MAN2B2: variants seen among roughly 807,000 people sequenced by gnomAD.
MAN2B2 encodes the protein mannosidase alpha class 2B member 2, also known as epididymis-specific alpha-mannosidase.
Under a neutral mutation model 117.1 loss-of-function variants are expected in MAN2B2, and 106 were observed. The ratio of observed to expected loss-of-function variants is 0.90; its 90% CI spans 0.77 to 1.06. The LOEUF is 1.06. MAN2B2 is among the 50% of genes least tolerant of loss of function. The probability of loss-of-function intolerance (pLI) is 0.00; values close to 1 mark genes in which losing one functional copy is unlikely to be tolerated. For missense variants in MAN2B2, 1,326 were observed against 1,381.4 expected, an observed-to-expected ratio of 0.96 and a Z score of 0.64; for synonymous variants, 544 against 595.1, an observed-to-expected ratio of 0.91 and a Z score of 1.25.
In MAN2B2 at chr4:6,611,385, G is replaced by A. The variant is rs1711544606; in HGVS notation, c.2563+107G>A. 5.8e-6 allele frequency: 7 copies of A among 1,199,998 alleles called. No homozygotes were observed. In the South Asian group the frequency reaches 1.1e-4, roughly 19 times the overall value. The allele number at this position is 1,199,998 out of a possible 1,614,324, so 74.3% of individuals were successfully genotyped here. On this transcript the variant is annotated intron_variant, in intron 15 of 18. Coordinates refer to ENST00000285599, the MANE Select transcript of MAN2B2 (RefSeq NM_015274.3). ...CCCTCATGACTCTGGGCAGCTTTTG[G>A]GCAGGAAGCGACCTCAGGGACCTCT...
At chr4:6,599,062 ACC>A in intron 9 of MAN2B2, among the ~76,000 whole-genome samples, 1 of 152,176 alleles carries the variant, frequency 6.6e-6, no homozygotes, top group Non-Finnish European at 1.5e-5. Flanking sequence ...GCCAGGTCCC[ACC>A]CACAGCCTGC....
chr4:6,604,561 G>A (rs1727460866), intron 10 of MAN2B2, among the ~76,000 whole-genome samples: 1 of 152,040 alleles, frequency 6.6e-6, no homozygotes, highest in African/African-American at 2.4e-5. Flanking sequence ...GGAGCAGAAG[G>A]TGCAGGGTAG....
intron 13 of MAN2B2, among the ~76,000 whole-genome samples, 179 bp from the exon 14 acceptor site, chr4:6,610,701 T>C (rs187106734): frequency 1.3e-5 from 2 of 152,336 alleles, no homozygotes; most frequent in African/African-American, 4.8e-5. Context: ...CTGAGCTGTA[T>C]GCTAGGAAGC....
At chr4:6,581,483 A>C (rs1726424736) in intron 3 of MAN2B2, among the ~76,000 whole-genome samples, 1 of 152,082 alleles carries the variant, frequency 6.6e-6, no homozygotes, top group Admixed American at 6.5e-5. Flanking sequence ...GGGCGGGGGC[A>C]GAGTGTGTGT....
intron 7 of MAN2B2, among the ~76,000 whole-genome samples, chr4:6,595,878 G>T (rs946817292): frequency 3.9e-5 from 6 of 152,250 alleles, no homozygotes; most frequent in Admixed American, 6.5e-5. Flanking sequence ...TCTGCATGGT[G>T]ACCAGTGGGG....
At chr4:6,578,823 G>T (rs1029605546) in intron 3 of MAN2B2, among the ~76,000 whole-genome samples, 1 of 151,952 alleles carries the variant, frequency 6.6e-6, no homozygotes, top group Admixed American at 6.6e-5. Flanking sequence ...TACCTCAAAG[G>T]GTTGTTGTGA....
At chr4:6,579,150 C>A (rs1166956412) in intron 3 of MAN2B2, among the ~76,000 whole-genome samples, 1 of 83,798 alleles carries the variant, frequency 1.2e-5, no homozygotes. Flanking sequence ...ATCACCACCA[C>A]CATCACCATC....
chr4:6,605,571 G>C (rs1727511892), intron 11 of MAN2B2, among the ~76,000 whole-genome samples: 1 of 151,964 alleles, frequency 6.6e-6, no homozygotes, highest in African/African-American at 2.4e-5. Flanking sequence ...AGCACTGAGG[G>C]ACTCACTCTG....
At chr4:6,615,526 G>A (rs898296822) in intron 16 of MAN2B2, among the ~76,000 whole-genome samples, 5 of 152,086 alleles carry the variant, frequency 3.3e-5, no homozygotes, top group Admixed American at 6.5e-5. Flanking sequence ...GCCAGGCAAG[G>A]TGGCTCACAT....
chr4:6,579,463 C>A (rs1284805858), intron 3 of MAN2B2, among the ~76,000 whole-genome samples: 1 of 147,330 alleles, frequency 6.8e-6, no homozygotes, highest in Non-Finnish European at 1.5e-5. Context: ...CCACCCTTCA[C>A]CACCACAATG....
rs746821464 is a variant in MAN2B2 at position 6,598,256 on chromosome 4, C to T, written c.1307C>T (p.Ala436Val). The T allele has an allele frequency of 1.2e-6, 2 of 1,613,634 alleles. No homozygotes were observed. The highest frequency in any genetic ancestry group is 1.7e-6 in the Non-Finnish European group (2 of 1,180,024). ...TCCCCCAAGGTGAGAGACATGTACGCAACGCACCTGGCCTCGGGGATGCTG... is the reference window on the plus strand; with the variant it reads ...TCCCCCAAGGTGAGAGACATGTACGTAACGCACCTGGCCTCGGGGATGCTG... ...TESPKVRDMY[A>V]THLASGMLGM... The change falls in exon 9 of 19, where the codon GCA becomes GTA. Residue 436 changes from alanine (A) to valine (V), a missense_variant. Coordinates refer to ENST00000285599, the MANE Select transcript of MAN2B2 (RefSeq NM_015274.3).
At chr4:6,599,448 G>C (rs1727233991) in intron 9 of MAN2B2, among the ~76,000 whole-genome samples, 1 of 151,950 alleles carries the variant, frequency 6.6e-6, no homozygotes, top group Non-Finnish European at 1.5e-5. Flanking sequence ...GGATTACGAG[G>C]TCAGGAGATC....
intron 3 of MAN2B2, among the ~76,000 whole-genome samples, chr4:6,583,941 C>T (rs1053795317): frequency 3.9e-5 from 6 of 152,206 alleles, no homozygotes; most frequent in African/African-American, 1.4e-4. Context: ...GCTTTCTTCC[C>T]TTTTCCAGTG....
chr4:6,607,341 G>C (rs987094241), intron 11 of MAN2B2, among the ~76,000 whole-genome samples: 5 of 152,084 alleles, frequency 3.3e-5, no homozygotes, highest in African/African-American at 1.2e-4. Context: ...TGAGTAGCTG[G>C]GATTACATGT....
At chr4:6,616,030 C>T (rs13130328) in intron 16 of MAN2B2, among the ~76,000 whole-genome samples, 88,042 of 151,970 alleles carry the variant, frequency 0.58, 27,180 homozygotes, top group Middle Eastern at 0.71. Flanking sequence ...TCTCAAACTC[C>T]TGACAGCAGG....
intron 15 of MAN2B2, among the ~76,000 whole-genome samples, chr4:6,612,671 C>A (rs1711624499): frequency 6.6e-6 from 1 of 152,262 alleles, no homozygotes; most frequent in Non-Finnish European, 1.5e-5. Flanking sequence ...GTTCTGCTCC[C>A]AGACCAGTCA....
chr4:6,588,969 C>A, intron 4 of MAN2B2, 76 bp from the exon 5 acceptor site: 1 of 1,098,924 alleles, frequency 9.1e-7, no homozygotes, highest in Non-Finnish European at 1.4e-6. Flanking sequence ...CGGGAGACAC[C>A]CAGATGGGGC....
rs959973705 is a variant in MAN2B2 at position 6,586,891 on chromosome 4, T to G, written c.392-105T>G. 4 of 1,018,920 alleles carry G rather than the reference T, an allele frequency of 3.9e-6. No individual in the cohort carries two copies. The Admixed American group carries it at 8.9e-5, about 23-fold the overall frequency. 63.1% of individuals were successfully genotyped at this position (1,018,920 alleles called of 1,614,324 possible). A position where few individuals can be genotyped will look rare whatever the true frequency, so the allele number is the denominator to read the frequency against. On this transcript the variant is annotated intron_variant, in intron 3 of 18. Transcript: ENST00000285599. ...GCATGACCCTGCCTGGCCCAGTAGC[T>G]GGCACTGCAACCCACTGGATAGGCA...
chr4:6,604,842 G>GA (rs1409102523), intron 10 of MAN2B2, among the ~76,000 whole-genome samples: 2 of 152,062 alleles, frequency 1.3e-5, no homozygotes, highest in Non-Finnish European at 2.9e-5. Flanking sequence ...GGGACCCCAA[G>GA]AACCAGCTAT....
Sources: allele counts gnomAD v4.1 joint callset (sites outside exome capture counted in the v4.1 genomes callset), GRCh38; gene constraint gnomAD v4.1.1; transcripts MANE v1.5; gene names NCBI Gene and HGNC (gene_info 2026-07-23, HGNC 2026-07-21).